Variants in STXBP5 observed in about 807,000 individuals in gnomAD.
STXBP5 encodes syntaxin binding protein 5.
A neutral mutation model predicts 152.4 loss-of-function variants in STXBP5; 50 were observed. That is an observed-to-expected ratio of 0.33 (90% confidence interval 0.26 to 0.42). The LOEUF is 0.42. Ranked by LOEUF, STXBP5 falls within the 10% of genes least tolerant of loss-of-function variation. The pLI is 1.00. For synonymous variants in STXBP5, 492 were observed against 494.7 expected (o/e 0.99, Z 0.07); for missense variants, 1,167 against 1,388.6 (o/e 0.84, Z 2.54).
chr6:147,289,203 A>T (rs945046636), intron 8 of STXBP5, among the ~76,000 whole-genome samples: 12 of 152,254 alleles, frequency 7.9e-5, no homozygotes, highest in East Asian at 7.7e-4. Context: ...TTGTCAAACC[A>T]TCATCTGACA....
At chr6:147,259,652 G>A (rs965471944) in intron 4 of STXBP5, among the ~76,000 whole-genome samples, 3 of 152,022 alleles carry the variant, frequency 2.0e-5, no homozygotes, top group Admixed American at 6.6e-5. Flanking sequence ...GTATTGACAG[G>A]CTGGCAGTCA....
intron 2 of STXBP5, among the ~76,000 whole-genome samples, chr6:147,216,420 A>C (rs1398205070): frequency 2.0e-5 from 3 of 152,212 alleles, no homozygotes; most frequent in Middle Eastern, 3.4e-3. Flanking sequence ...AAAAAAATTC[A>C]TAAGGCTCCC....
Position 147,363,704 on chromosome 6 carries a change from G to A in STXBP5, c.2915G>A (p.Ser972Asn). 6.2e-7 allele frequency: 1 copy of A among 1,604,050 alleles called. No individual in the cohort carries two copies. ...GCCAATGGACATATAATGACTTTTA[G>A]GTAAGAGTTAGATATGTTTTAAAAC... is the stretch of plus-strand genomic sequence containing the variant. ...FCANGHIMTFSLPSLRPLLDV... is the reference protein window; with the variant it reads ...FCANGHIMTFNLPSLRPLLDV... Residue 972 changes from serine (S) to asparagine (N), a missense_variant and splice_region_variant, in exon 24 of 28, where the codon AGT becomes AAT. Ser to Asn is a conservative substitution (Grantham distance 46). This residue lies in a region of STXBP5 where 833 missense variants were observed against 986.3 expected (regional missense o/e 0.84). Transcript: ENST00000321680.
At chr6:147,384,653 CTT>C (rs1786253413) in intron 27 of STXBP5, 59 bp from the exon 28 acceptor site, 11 of 1,519,956 alleles carry the variant, frequency 7.2e-6, no homozygotes, top group Non-Finnish European at 4.5e-6. Context: ...ATAGAAATCA[CTT>C]ATAAATGTTA....
At position 147,353,444 on chromosome 6, in the gene STXBP5, AG is replaced by A. The variant is rs1358084152; in HGVS notation, c.2305+72del. On this transcript the variant is annotated intron_variant, in intron 22 of 27. Transcript: ENST00000321680. ...AAGACAAGGAAATCAGAAAATTTAT[AG>A]TTACTGTAAGATAGTCATTGGAAAG... The A allele has an allele frequency of 1.9e-4, 202 of 1,040,272 alleles. 1 individual carries two copies. In the East Asian group the frequency reaches 5.1e-3, roughly 26 times the overall value. The allele number at this position is 1,040,272 out of a possible 1,614,324, so 64.4% of individuals were successfully genotyped here. A position where few individuals can be genotyped will look rare whatever the true frequency, so the allele number is the denominator to read the frequency against.
rs562607627 is a variant in STXBP5, at chr6:147,245,114, G to A, written c.431+5844G>A. Among the ~76,000 whole-genome samples the A allele has an allele frequency of 1.2e-4, 18 of 150,388 alleles. No homozygotes were observed. In the South Asian group the frequency reaches 1.7e-3, roughly 14 times the overall value. On this transcript the variant is annotated intron_variant, in intron 4 of 27. Transcript: ENST00000321680. Reference sequence around the variant, plus strand: ...TTCAAGCGATTCTTCTGAGCCTCACGAGTAGCTGGGATTACAGGTGCCCAC... The same window carrying A: ...TTCAAGCGATTCTTCTGAGCCTCACAAGTAGCTGGGATTACAGGTGCCCAC...
chr6:147,222,690 A>G (rs748788501), intron 2 of STXBP5, among the ~76,000 whole-genome samples: 5 of 152,212 alleles, frequency 3.3e-5, no homozygotes, highest in Admixed American at 6.5e-5. Context: ...TAAGAACAGA[A>G]TATGCTCTTG....
chr6:147,286,474 ACT>A (rs950111967), intron 8 of STXBP5, among the ~76,000 whole-genome samples: 2 of 152,134 alleles, frequency 1.3e-5, no homozygotes, highest in Non-Finnish European at 2.9e-5. Context: ...TTATGTCAAA[ACT>A]CATCTGATTG....
chr6:147,343,331 C>T (rs1784174504), intron 21 of STXBP5, among the ~76,000 whole-genome samples: 1 of 152,042 alleles, frequency 6.6e-6, no homozygotes, highest in South Asian at 2.1e-4. Context: ...CTTTCAAGTG[C>T]TGTTTTTATT....
At chr6:147,297,906 A>G (rs1781610336) in intron 9 of STXBP5, among the ~76,000 whole-genome samples, 1 of 152,080 alleles carries the variant, frequency 6.6e-6, no homozygotes, top group South Asian at 2.1e-4. Context: ...TACCATAGAA[A>G]AACCATCAAA....
At chr6:147,292,317 C>CT (rs1471297221) in intron 9 of STXBP5, 4 of 440,852 alleles carry the variant, frequency 9.1e-6, no homozygotes, top group South Asian at 1.6e-5. Flanking sequence ...TAAATGAACT[C>CT]TAAGAGGTGT....
Position 147,314,041 on chromosome 6 carries a change from A to G in STXBP5, c.1293+10A>G, listed in dbSNP as rs1782513359. 5 of 1,574,194 alleles carry G rather than the reference A, an allele frequency of 3.2e-6. No individual in the cohort carries two copies. The highest frequency in any genetic ancestry group is 1.2e-5 in the South Asian group (1 of 85,530). ...AGGTTACAGCAAAAAGGTATTGAACATGAGCTTCAGTATTTAATGTTATAT... is the reference window on the plus strand; with the variant it reads ...AGGTTACAGCAAAAAGGTATTGAACGTGAGCTTCAGTATTTAATGTTATAT... On this transcript the variant is annotated intron_variant, in intron 12 of 27. Transcript: ENST00000321680.
intron 4 of STXBP5, among the ~76,000 whole-genome samples, chr6:147,259,146 C>T (rs1265084245): frequency 6.6e-6 from 1 of 151,906 alleles, no homozygotes; most frequent in Non-Finnish European, 1.5e-5. Context: ...TTCTAGAGAC[C>T]TTATTAAAGT....
chr6:147,206,546 A>T (rs1582780704), intron 2 of STXBP5, among the ~76,000 whole-genome samples: 1 of 152,176 alleles, frequency 6.6e-6, no homozygotes, highest in East Asian at 1.9e-4. Flanking sequence ...AATTAGCAGA[A>T]GTGTAGCAAA....
Position 147,382,832 on chromosome 6 carries a change from G to C in STXBP5, c.3248G>C (p.Gly1083Ala). ...ASRSLAQHIP[G>A]PGGIEGVKGA... Reference sequence around the variant, plus strand: ...AGGAGCCTTGCACAGCATATTCCTGGCCCTGGTGGCATTGAAGGCGTAAAA... The same window carrying C: ...AGGAGCCTTGCACAGCATATTCCTGCCCCTGGTGGCATTGAAGGCGTAAAA... The change falls in exon 27 of 28, where the codon GGC becomes GCC. Residue 1083 changes from glycine (G) to alanine (A), a missense_variant. Around this residue, in one of 3 missense-constraint regions of STXBP5, gnomAD observed 833 missense variants for 986.3 expected, o/e 0.84. Transcript: ENST00000321680. The C allele has an allele frequency of 6.2e-7, 1 of 1,613,516 alleles. No individual in the cohort carries two copies. Among genetic ancestry groups the C allele is most frequent in the Non-Finnish European group, 8.5e-7 (1 of 1,179,652 alleles).
chr6:147,337,188 CATAG>C (rs1783869656), intron 19 of STXBP5, among the ~76,000 whole-genome samples: 1 of 142,036 alleles, frequency 7.0e-6, no homozygotes. Flanking sequence ...TATACACATA[CATAG>C]ACACACACAC....
chr6:147,363,423 G>C lies in STXBP5; in HGVS notation c.2634G>C (p.Trp878Cys), dbSNP rs1424431412. The C allele has an allele frequency of 6.2e-7, 1 of 1,614,134 alleles. No homozygotes were observed. Among genetic ancestry groups the C allele is most frequent in the East Asian group, 2.2e-5 (1 of 44,876 alleles). ...TAATACCACCTGCGTATGAACCCTG[G>C]AGAGAGCACAATGTTCCTGAAGAAA... is the stretch of plus-strand genomic sequence containing the variant. ...GCLIPPAYEP[W>C]REHNVPEEKD... Residue 878 changes from tryptophan (W) to cysteine (C), a missense_variant, in exon 24 of 28, where the codon TGG (tryptophan) becomes TGC (cysteine). By Grantham distance (215) the Trp-to-Cys change is radical (BLOSUM62 -2). This residue lies in a region of STXBP5 where 833 missense variants were observed against 986.3 expected (regional missense o/e 0.84). Coordinates refer to ENST00000321680, the MANE Select transcript of STXBP5 (RefSeq NM_001127715.4).
At chr6:147,258,422 AGTTTTTTGTTTTTT>A (rs544582153) in intron 4 of STXBP5, among the ~76,000 whole-genome samples, 18 of 152,026 alleles carry the variant, frequency 1.2e-4, no homozygotes, top group South Asian at 2.1e-4. Flanking sequence ...CATAACACAT[AGTTTTTTGTTTTTT>A]GTTTTTTGTT....
intron 2 of STXBP5, among the ~76,000 whole-genome samples, chr6:147,228,008 C>T (rs1174841020): frequency 6.6e-6 from 1 of 152,088 alleles, no homozygotes; most frequent in Non-Finnish European, 1.5e-5. Flanking sequence ...GAACCTGCCT[C>T]CAGTGAATAC....
Sources: allele counts gnomAD v4.1 joint callset (sites outside exome capture counted in the v4.1 genomes callset), GRCh38; gene constraint gnomAD v4.1.1; regional missense constraint gnomAD v4.1.1; transcripts MANE v1.5; gene names NCBI Gene and HGNC (gene_info 2026-07-23, HGNC 2026-07-21).